COL4A1: variants seen among roughly 807,000 people sequenced by gnomAD.
COL4A1 encodes collagen alpha-1(IV) chain.
A neutral mutation model predicts 216.6 loss-of-function variants in COL4A1; 40 were observed. The observed-to-expected ratio is 0.18, with a 90% CI of 0.14 to 0.24. COL4A1 has a LOEUF of 0.24. Ranked by LOEUF, COL4A1 falls within the 10% of genes least tolerant of loss-of-function variation. COL4A1 has a pLI of 1.00. For synonymous variants in COL4A1, 839 were observed against 810.7 expected, an observed-to-expected ratio of 1.03 and a Z score of -0.59; for missense variants, 1,628 against 2,196.8, an observed-to-expected ratio of 0.74 and a Z score of 5.18.
chr13:110,170,396 TG>T (rs1479711063), intron 42 of COL4A1, 150 bp downstream of exon 42: 9 of 828,062 alleles, frequency 1.1e-5, no homozygotes, highest in Non-Finnish European at 1.1e-5. Context: ...TTTGACTCGA[TG>T]GGGGCCAAAC....
Position 110,268,477 on chromosome 13 carries a change from G to A in COL4A1, c.85-25743C>T. Among the ~76,000 whole-genome samples the A allele has an allele frequency of 6.6e-6, 1 of 152,246 alleles. No homozygotes were observed. The highest frequency in any genetic ancestry group is 1.9e-4 in the East Asian group (1 of 5,196). On this transcript the variant is annotated intron_variant, in intron 1 of 51. Coordinates refer to ENST00000375820, the MANE Select transcript of COL4A1 (RefSeq NM_001845.6). This position sits in a 1 kb window ranked among gnomAD's most constrained non-coding sequence, Gnocchi z 4.1. The stretch of plus-strand genomic sequence containing the variant: ...GTCCAAGTGAGCTTTTAACAAAAAT[G>A]TGTCGAGTAAAAGAATGACAGTAGG...
intron 21 of COL4A1, among the ~76,000 whole-genome samples, chr13:110,197,013 G>A (rs9588113): frequency 0.014 from 2,098 of 152,228 alleles, 57 homozygotes; most frequent in African/African-American, 0.046. Flanking sequence ...ATATTACAAT[G>A]TGCTCAGCTA....
intron 13 of COL4A1, 90 bp from the exon 14 acceptor site, chr13:110,206,981 A>C (rs28397181): frequency 1.6e-6 from 2 of 1,240,384 alleles, no homozygotes; most frequent in South Asian, 1.3e-5. Context: ...AAAAAAAAAA[A>C]CCTTTTTCTG....
intron 17 of COL4A1, among the ~76,000 whole-genome samples, chr13:110,203,980 T>C (rs1484510555): frequency 6.6e-6 from 1 of 152,188 alleles, no homozygotes; most frequent in Non-Finnish European, 1.5e-5. Context: ...TAAAATAATA[T>C]AAAAGCATGA....
At chr13:110,182,071 C>T (rs9515162) in intron 28 of COL4A1, among the ~76,000 whole-genome samples, 20,352 of 152,236 alleles carry the variant, frequency 0.13, 1,627 homozygotes, top group East Asian at 0.21. Flanking sequence ...ACATGGGTCA[C>T]GGCCTCAGGT....
intron 21 of COL4A1, among the ~76,000 whole-genome samples, chr13:110,197,955 G>A (rs1261969421): frequency 2.0e-5 from 3 of 152,126 alleles, no homozygotes; most frequent in Admixed American, 6.5e-5. Context: ...GGGACCACAC[G>A]GCCATCTTAA....
chr13:110,242,794 C>A, intron 1 of COL4A1, 60 bp from the exon 2 acceptor site: 2 of 1,565,894 alleles, frequency 1.3e-6, no homozygotes, highest in East Asian at 4.5e-5. Context: ...GGGCACTATG[C>A]AAATGGAGAT....
At chr13:110,241,397 T>C (rs552961308) in intron 2 of COL4A1, among the ~76,000 whole-genome samples, 1 of 152,314 alleles carries the variant, frequency 6.6e-6, no homozygotes, top group East Asian at 1.9e-4. Context: ...CCTTAATTCC[T>C]CTTTGTTGGG....
chr13:110,176,503 A>G lies in COL4A1; in HGVS notation c.2979T>C (p.Gly993=). Residue 993 remains glycine, a synonymous_variant, in exon 36 of 52, where the codon GGT becomes GGC. Coordinates refer to ENST00000375820, the MANE Select transcript of COL4A1 (RefSeq NM_001845.6). ...CTGGGGTTCCACTTATACCTGGATC[A>G]CCTTTAGGTCCTAGAACCATAAAGA... ...AGQPGQPGPK[G]DPGISGTPGA... is the part of the protein sequence containing the mutation. 6.2e-7 allele frequency: 1 copy of G among 1,612,972 alleles called. No homozygotes were observed. The highest frequency in any genetic ancestry group is 8.5e-7 in the Non-Finnish European group (1 of 1,178,950).
At chr13:110,267,769 T>C (rs1883097571) in intron 1 of COL4A1, among the ~76,000 whole-genome samples, 1 of 152,188 alleles carries the variant, frequency 6.6e-6, no homozygotes, top group Non-Finnish European at 1.5e-5. Context: ...ATAATGGCAT[T>C]GGAATAGCTT....
chr13:110,259,956 C>T (rs533954310), intron 1 of COL4A1, among the ~76,000 whole-genome samples: 5 of 152,188 alleles, frequency 3.3e-5, no homozygotes, highest in Non-Finnish European at 5.9e-5. Flanking sequence ...TGTAAAGCTG[C>T]ATCCCCGTTA....
chr13:110,237,356 G>C (rs970196721), intron 2 of COL4A1, among the ~76,000 whole-genome samples: 15 of 142,674 alleles, frequency 1.1e-4, no homozygotes, highest in Non-Finnish European at 2.2e-4. Flanking sequence ...TTAGTTCAGC[G>C]GTATTCCATC....
chr13:110,246,506 C>G (rs1159644491), intron 1 of COL4A1, among the ~76,000 whole-genome samples: 1 of 152,108 alleles, frequency 6.6e-6, no homozygotes, highest in African/African-American at 2.4e-5. Flanking sequence ...TGCAGGTTAC[C>G]CAGGTTCACA....
chr13:110,299,452 T>G (rs1166917926), intron 1 of COL4A1, among the ~76,000 whole-genome samples: 2 of 152,222 alleles, frequency 1.3e-5, no homozygotes, highest in African/African-American at 4.8e-5. Flanking sequence ...GCTTCTGAAT[T>G]TGTCTTTAAT....
chr13:110,193,969 GGAAGACTCGA>G (rs1321975448), intron 22 of COL4A1, among the ~76,000 whole-genome samples: 1 of 152,190 alleles, frequency 6.6e-6, no homozygotes, highest in Non-Finnish European at 1.5e-5. Flanking sequence ...AAGAGGAATG[GGAAGACTCGA>G]GAAGACAGAT....
chr13:110,185,654 G>A (rs2139172411), intron 26 of COL4A1, among the ~76,000 whole-genome samples: 1 of 152,282 alleles, frequency 6.6e-6, no homozygotes, highest in East Asian at 1.9e-4. Flanking sequence ...TGTCTACTGG[G>A]AATCGCAGTC....
At chr13:110,279,303 T>G (rs540482800) in intron 1 of COL4A1, among the ~76,000 whole-genome samples, 1 of 152,174 alleles carries the variant, frequency 6.6e-6, no homozygotes, top group Non-Finnish European at 1.5e-5. Context: ...TTTTCTGGAG[T>G]CCAGTTCCAC....
At chr13:110,298,549 T>G (rs959476711) in intron 1 of COL4A1, 5 of 152,252 alleles carry the variant, frequency 3.3e-5, no homozygotes, top group African/African-American at 1.2e-4. Context: ...TAAGTTTATC[T>G]TCATTGTATA....
Position 110,181,467 on chromosome 13 carries a change from T to C in COL4A1, c.2096-78A>G, listed in dbSNP as rs1878150899. 8 of 1,394,636 alleles carry C rather than the reference T, an allele frequency of 5.7e-6. No homozygotes were observed. In the South Asian group the frequency reaches 6.1e-5, roughly 11 times the overall value. The allele number at this position is 1,394,636 out of a possible 1,614,324, so 86.4% of individuals were successfully genotyped here. A position where few individuals can be genotyped will look rare whatever the true frequency, so the allele number is the denominator to read the frequency against. ...ATGCCGTTCCCCACTTTCTTCACTT[T>C]TAGTCTTGCCCAGAGATGCCGACCT... On this transcript the variant is annotated intron_variant, in intron 28 of 51. Coordinates refer to ENST00000375820, the MANE Select transcript of COL4A1 (RefSeq NM_001845.6).
Sources: allele counts gnomAD v4.1 joint callset (sites outside exome capture counted in the v4.1 genomes callset), GRCh38; gene constraint gnomAD v4.1.1; non-coding constraint Gnocchi (gnomAD v3.1); transcripts MANE v1.5; gene names NCBI Gene and HGNC (gene_info 2026-07-23, HGNC 2026-07-21).